Variants in AMD1 observed in about 807,000 individuals in gnomAD.
AMD1 encodes adenosylmethionine decarboxylase 1, also known as S-adenosylmethionine decarboxylase proenzyme.
AMD1 carries 11 observed loss-of-function variants against 40.2 expected under a neutral mutation model. That is an observed-to-expected ratio of 0.27 (90% confidence interval 0.17 to 0.45). The LOEUF (loss-of-function observed/expected upper bound fraction) is 0.45. Ranked by LOEUF, AMD1 falls within the 20% of genes least tolerant of loss-of-function variation. AMD1 has a pLI of 1.00. For missense variants in AMD1, 257 were observed against 410.2 expected (o/e 0.63, Z 3.23); for synonymous variants, 121 against 130.8 (o/e 0.93, Z 0.51).
At chr6:110,847,580 A>G in the AMD1 span, among the ~76,000 whole-genome samples, 5 of 152,042 alleles carry the variant, frequency 3.3e-5, no homozygotes, top group African/African-American at 1.2e-4. Flanking sequence ...CTCTTAGGCT[A>G]TTTAACTGAT....
upstream of AMD1, among the ~76,000 whole-genome samples, chr6:110,870,447 A>T (rs1197365458): frequency 6.6e-5 from 10 of 152,098 alleles, no homozygotes; most frequent in Admixed American, 6.6e-4. Context: ...ACATGGTGAA[A>T]TCTGGTCGCT....
chr6:110,875,518 G>C (rs1043086687), intron 1 of AMD1: 50 of 280,228 alleles, frequency 1.8e-4, no homozygotes, highest in Admixed American at 2.7e-4. Context: ...GGCGCGGCCC[G>C]GGGTGGTTTT....
intron 1 of AMD1, among the ~76,000 whole-genome samples, chr6:110,882,163 A>G (rs1313100846): frequency 6.6e-6 from 1 of 152,100 alleles, no homozygotes; most frequent in East Asian, 1.9e-4. Context: ...ACACAGTCTC[A>G]CTCTGTCGCC....
the AMD1 span, among the ~76,000 whole-genome samples, chr6:110,840,052 CTT>C: frequency 8.5e-6 from 1 of 117,802 alleles, no homozygotes; most frequent in African/African-American, 3.4e-5. Flanking sequence ...GAGTTTCCCT[CTT>C]GTTATCCAGT....
At chr6:110,878,422 T>C (rs1042493331) in intron 1 of AMD1, among the ~76,000 whole-genome samples, 17 of 152,198 alleles carry the variant, frequency 1.1e-4, no homozygotes, top group Non-Finnish European at 2.9e-5. Context: ...ATATTTTATC[T>C]TAAGTGAACA....
chr6:110,868,929 G>A, the AMD1 span, among the ~76,000 whole-genome samples: 2 of 151,742 alleles, frequency 1.3e-5, no homozygotes, highest in Non-Finnish European at 2.9e-5. Context: ...GTGTGGTGGC[G>A]TATGCCTGCA....
the AMD1 span, among the ~76,000 whole-genome samples, chr6:110,834,946 C>CA: frequency 8.2e-4 from 99 of 120,548 alleles, no homozygotes; most frequent in Middle Eastern, 9.2e-3. Flanking sequence ...AGACTCCATC[C>CA]AAAAAAAAAA....
intron 1 of AMD1, among the ~76,000 whole-genome samples, chr6:110,882,841 C>A (rs1019742570): frequency 1.3e-5 from 2 of 152,148 alleles, no homozygotes; most frequent in Non-Finnish European, 2.9e-5. Flanking sequence ...ATTTTGAAGC[C>A]AATGGGTTGG....
chr6:110,872,816 G>T (rs1225154617), upstream of AMD1, among the ~76,000 whole-genome samples: 3 of 151,920 alleles, frequency 2.0e-5, no homozygotes, highest in Non-Finnish European at 4.4e-5. Context: ...AATTGCACTG[G>T]GAAAAAAGCA....
chr6:110,891,556 AAACCT>A (rs1329870685), intron 4 of AMD1: 2 of 154,358 alleles, frequency 1.3e-5, no homozygotes, highest in African/African-American at 2.4e-5. Flanking sequence ...ATAAGGCTGA[AAACCT>A]AAGATAATTT....
the AMD1 span, among the ~76,000 whole-genome samples, chr6:110,861,658 A>G: frequency 6.6e-6 from 1 of 151,950 alleles, no homozygotes; most frequent in Non-Finnish European, 1.5e-5. Context: ...CCTGGCCAAC[A>G]TAGTGAAACC....
chr6:110,825,690 C>G, the AMD1 span, among the ~76,000 whole-genome samples: 2 of 152,170 alleles, frequency 1.3e-5, no homozygotes, highest in African/African-American at 4.8e-5. Flanking sequence ...AAGTAAAAAC[C>G]TGTTACTCTT....
chr6:110,824,507 C>CA, the AMD1 span, among the ~76,000 whole-genome samples: 1 of 152,226 alleles, frequency 6.6e-6, no homozygotes, highest in South Asian at 2.1e-4. Context: ...ACTAAAATCT[C>CA]AGACATCTCC....
At chr6:110,854,723 C>T in the AMD1 span, among the ~76,000 whole-genome samples, 23 of 152,154 alleles carry the variant, frequency 1.5e-4, no homozygotes, top group Admixed American at 8.5e-4. Context: ...GCTAGGATTA[C>T]AGGAGTGAGC....
chr6:110,857,771 T>C, the AMD1 span, among the ~76,000 whole-genome samples: 1 of 133,528 alleles, frequency 7.5e-6, no homozygotes, highest in African/African-American at 2.9e-5. Flanking sequence ...AGATGGTGTG[T>C]ATATATATAT....
upstream of AMD1, among the ~76,000 whole-genome samples, chr6:110,873,880 C>T (rs1388862581): frequency 6.6e-6 from 1 of 152,164 alleles, no homozygotes; most frequent in East Asian, 1.9e-4. Flanking sequence ...AGGAGAACCT[C>T]CATCAATTAA....
At chr6:110,834,374 T>C in the AMD1 span, among the ~76,000 whole-genome samples, 4 of 152,114 alleles carry the variant, frequency 2.6e-5, no homozygotes, top group African/African-American at 9.7e-5. Flanking sequence ...CATGTTTATA[T>C]GAAAATAATT....
the AMD1 span, among the ~76,000 whole-genome samples, chr6:110,817,584 G>A: frequency 2.0e-5 from 3 of 152,068 alleles, no homozygotes; most frequent in African/African-American, 7.2e-5. Context: ...ACTCCAGCCT[G>A]GGCAACAGAG....
chr6:110,845,277 G>A, the AMD1 span, among the ~76,000 whole-genome samples: 3 of 151,762 alleles, frequency 2.0e-5, no homozygotes, highest in South Asian at 2.1e-4. Flanking sequence ...GACCTCAACC[G>A]ACCCACCTGT....
Sources: allele counts gnomAD v4.1 joint callset (sites outside exome capture counted in the v4.1 genomes callset), GRCh38; gene constraint gnomAD v4.1.1; transcripts MANE v1.5; gene names NCBI Gene and HGNC (gene_info 2026-07-23, HGNC 2026-07-21).